KCNC1: variants seen among roughly 807,000 people sequenced by gnomAD.
KCNC1 encodes the protein potassium voltage-gated channel subfamily C member 1.
A neutral mutation model predicts 43.4 loss-of-function variants in KCNC1; 8 were observed. The observed-to-expected ratio is 0.18, with a 90% CI of 0.11 to 0.33. KCNC1 has a LOEUF of 0.33. Ranked by LOEUF, KCNC1 falls within the 10% of genes least tolerant of loss-of-function variation. The pLI, the probability that KCNC1 is intolerant of heterozygous loss-of-function variation, is 1.00. For missense variants in KCNC1, 420 were observed against 836.0 expected (o/e 0.50, Z 6.14); for synonymous variants, 361 against 360.5 (o/e 1.00, Z -0.01).
rs758930689 is a variant in KCNC1, at chr11:17,771,964, C to T, written c.870C>T (p.Tyr290=). Residue 290 remains tyrosine, a synonymous_variant, in exon 2 of 4, where the codon TAC becomes TAT. Transcript: ENST00000265969. This position sits in a 1 kb window ranked among gnomAD's most constrained non-coding sequence, Gnocchi z 4.7. The part of the protein sequence containing the change: ...IIDFVAILPF[Y]LEVGLSGLSS... ...ACTTTGTGGCCATCCTGCCCTTCTACCTGGAGGTGGGGCTGAGCGGCCTGT... is the reference window on the plus strand; with the variant it reads ...ACTTTGTGGCCATCCTGCCCTTCTATCTGGAGGTGGGGCTGAGCGGCCTGT... 6.2e-6 allele frequency: 10 copies of T among 1,614,134 alleles called. No homozygotes were observed. Among genetic ancestry groups the T allele is most frequent in the Admixed American group, 1.7e-5 (1 of 60,014 alleles).
rs1190435099 is a variant in KCNC1 at position 17,777,032 on chromosome 11, G to A, written c.1505-2424G>A. Reference sequence around the variant, plus strand: ...TCCCGGGAATCCCCCAGGAGGGAAAGGTGCCAGGCTATCATCCCTCCAGGG... The same window carrying A: ...TCCCGGGAATCCCCCAGGAGGGAAAAGTGCCAGGCTATCATCCCTCCAGGG... On this transcript the variant is annotated intron_variant, in intron 2 of 3. Transcript: ENST00000265969. The surrounding 1 kb of genome is among the most constrained non-coding windows in gnomAD (Gnocchi z 4.3). The A allele has an allele frequency of 5.1e-6, 5 of 985,234 alleles. No homozygotes were observed. Among genetic ancestry groups the A allele is most frequent in the African/African-American group, 1.7e-5 (1 of 57,194 alleles). 61.0% of individuals were successfully genotyped at this position (985,234 alleles called of 1,614,324 possible). A position where few individuals can be genotyped will look rare whatever the true frequency, so the allele number is the denominator to read the frequency against.
chr11:17,737,485 T>C (rs750778636), intron 1 of KCNC1, among the ~76,000 whole-genome samples: 2 of 152,162 alleles, frequency 1.3e-5, no homozygotes, highest in Non-Finnish European at 2.9e-5. Flanking sequence ...ACGCTGCTGC[T>C]GACCTTGGTC....
At chr11:17,738,628 C>T (rs1374029599) in intron 1 of KCNC1, among the ~76,000 whole-genome samples, 1 of 152,210 alleles carries the variant, frequency 6.6e-6, no homozygotes, top group Non-Finnish European at 1.5e-5. Flanking sequence ...CCCTCTCCTC[C>T]CACTGGACAT....
chr11:17,739,981 C>A lies in KCNC1; in HGVS notation c.570+3409C>A, dbSNP rs1848820158. ...TCTCTGGGACTCCGGAGTGGCCTAACTGAGGGCATTTCCTTTCCTCAGTAG... is the reference window on the plus strand; with the variant it reads ...TCTCTGGGACTCCGGAGTGGCCTAAATGAGGGCATTTCCTTTCCTCAGTAG... On this transcript the variant is annotated intron_variant, in intron 1 of 3. Transcript: ENST00000265969. The surrounding 1 kb of genome is among the most constrained non-coding windows in gnomAD (Gnocchi z 4.2). 6.6e-6 allele frequency among the ~76,000 whole-genome samples: 1 copy of A among 152,194 alleles called. No individual in the cohort carries two copies. Among genetic ancestry groups the A allele is most frequent in the Non-Finnish European group, 1.5e-5 (1 of 68,020 alleles).
chr11:17,747,838 C>A (rs557150231), intron 1 of KCNC1, among the ~76,000 whole-genome samples: 2 of 152,316 alleles, frequency 1.3e-5, no homozygotes, highest in South Asian at 4.1e-4. Context: ...GGCCTGGCAG[C>A]CTGGCTCTGG....
intron 1 of KCNC1, among the ~76,000 whole-genome samples, chr11:17,770,214 C>A (rs976296978): frequency 6.6e-6 from 1 of 152,234 alleles, no homozygotes; most frequent in Non-Finnish European, 1.5e-5. Flanking sequence ...ACACAGGGCG[C>A]GACCTTGGCC....
chr11:17,740,058 C>T (rs1370988783), intron 1 of KCNC1, among the ~76,000 whole-genome samples: 1 of 152,176 alleles, frequency 6.6e-6, no homozygotes, highest in Non-Finnish European at 1.5e-5. Context: ...GTGGTGAGGT[C>T]ACCTTTCCCT....
At position 17,779,609 on chromosome 11, in the gene KCNC1, A is replaced by C; in HGVS notation, c.1658A>C (p.Glu553Ala). The change falls in exon 3 of 4, where the codon GAG becomes GCG. Residue 553 changes from glutamate to alanine, a missense_variant. This residue lies in a region of KCNC1 where 147 missense variants were observed against 176.1 expected (regional missense o/e 0.83). Transcript: ENST00000265969. This position sits in a 1 kb window ranked among gnomAD's most constrained non-coding sequence, Gnocchi z 7.2. ...CCCTGCTTCCTCTTATCAACCGGGGAGTACGCGTGCCCACCTGGTGGAGGA... is the reference window on the plus strand; with the variant it reads ...CCCTGCTTCCTCTTATCAACCGGGGCGTACGCGTGCCCACCTGGTGGAGGA... ...YGPCFLLSTG[E>A]YACPPGGGMR... The C allele has an allele frequency of 6.4e-7, 1 of 1,550,590 alleles. No homozygotes were observed.
Position 17,773,860 on chromosome 11 carries a change from A to T in KCNC1, c.1504+1262A>T. On this transcript the variant is annotated intron_variant, in intron 2 of 3. Transcript: ENST00000265969. The surrounding 1 kb of genome is among the most constrained non-coding windows in gnomAD (Gnocchi z 4.1). ...GCAGGAGGTTGACGTGACAGGTGGCATTTAGTCTATGAAGGACCTCCCCAT... is the reference window on the plus strand; with the variant it reads ...GCAGGAGGTTGACGTGACAGGTGGCTTTTAGTCTATGAAGGACCTCCCCAT... 1.0e-6 allele frequency: 1 copy of T among 985,516 alleles called. No individual in the cohort carries two copies. Among genetic ancestry groups the T allele is most frequent in the Non-Finnish European group, 1.2e-6 (1 of 829,966 alleles). The allele number at this position is 985,516 out of a possible 1,614,324, so 61.0% of individuals were successfully genotyped here. A position where few individuals can be genotyped will look rare whatever the true frequency, so the allele number is the denominator to read the frequency against.
At chr11:17,760,061 C>A (rs577687486) in intron 1 of KCNC1, among the ~76,000 whole-genome samples, 1 of 152,324 alleles carries the variant, frequency 6.6e-6, no homozygotes, top group East Asian at 1.9e-4. Context: ...ATTTCTTATT[C>A]CAATCTGTGG....
chr11:17,756,515 C>G (rs1849023398), intron 1 of KCNC1, among the ~76,000 whole-genome samples: 2 of 110,000 alleles, frequency 1.8e-5, no homozygotes, highest in African/African-American at 6.7e-5. Flanking sequence ...ATTCCCTTCC[C>G]TCCAAACACA....
chr11:17,737,053 G>A (rs1475110860), intron 1 of KCNC1, among the ~76,000 whole-genome samples: 2 of 152,218 alleles, frequency 1.3e-5, no homozygotes, highest in African/African-American at 4.8e-5. Context: ...AGGCGCATCT[G>A]GAGCCAGCCA....
intron 1 of KCNC1, among the ~76,000 whole-genome samples, chr11:17,743,743 C>G (rs1249577013): frequency 6.6e-6 from 1 of 152,246 alleles, no homozygotes; most frequent in South Asian, 2.1e-4. Context: ...CCTCCCTGGT[C>G]CTCATTGGCA....
intron 1 of KCNC1, among the ~76,000 whole-genome samples, chr11:17,753,337 C>G (rs1351424838): frequency 6.6e-6 from 1 of 152,232 alleles, no homozygotes; most frequent in Non-Finnish European, 1.5e-5. Flanking sequence ...AGCTGCAGCC[C>G]CTGAGCCCCA....
At position 17,779,684 on chromosome 11, in the gene KCNC1, C is replaced by T. The variant is rs765488873; in HGVS notation, c.1693+40C>T. 23 of 1,408,336 alleles carry T rather than the reference C, an allele frequency of 1.6e-5. No homozygotes were observed. Among genetic ancestry groups the T allele is most frequent in the Non-Finnish European group, 2.1e-5 (22 of 1,072,830 alleles). The allele number at this position is 1,408,336 out of a possible 1,614,324, so 87.2% of individuals were successfully genotyped here. On this transcript the variant is annotated intron_variant, in intron 3 of 3. Coordinates refer to ENST00000265969, the MANE Select transcript of KCNC1 (RefSeq NM_001112741.2). The surrounding 1 kb of genome is among the most constrained non-coding windows in gnomAD (Gnocchi z 7.2). ...CTGGAGCACCGTGCATCGTCCGGGC[C>T]GCCTCGCGCTCCTGCAGATGGGTGG...
Position 17,736,196 on chromosome 11 carries a change from C to T in KCNC1, c.194C>T (p.Ala65Val). 1 of 1,613,802 alleles carries T rather than the reference C, an allele frequency of 6.2e-7. No individual in the cohort carries two copies. Among genetic ancestry groups the T allele is most frequent in the Non-Finnish European group, 8.5e-7 (1 of 1,179,860 alleles). Residue 65 changes from alanine (A) to valine (V), a missense_variant, in exon 1 of 4, where the codon GCG (alanine) becomes GTG (valine). By Grantham distance (64) the Ala-to-Val change is moderately conservative (BLOSUM62 0). Transcript: ENST00000265969. The surrounding 1 kb of genome is among the most constrained non-coding windows in gnomAD (Gnocchi z 9.3). ...TTCGACCGCCACCCCGGCGTCTTCG[C>T]GCACATCCTGAACTACTACCGCACG... ...FFFDRHPGVFAHILNYYRTGK... is the reference protein window; with the variant it reads ...FFFDRHPGVFVHILNYYRTGK...
chr11:17,754,301 A>G (rs1170194472), intron 1 of KCNC1, among the ~76,000 whole-genome samples: 1 of 152,256 alleles, frequency 6.6e-6, no homozygotes, highest in Non-Finnish European at 1.5e-5. Flanking sequence ...GATCATGTCT[A>G]TGGCTGGTTG....
rs1233376792 is a variant in KCNC1 at position 17,735,500 on chromosome 11, C to G, written c.-503C>G. The G allele has an allele frequency of 6.6e-6, 1 of 152,654 alleles. No individual in the cohort carries two copies. The highest frequency in any genetic ancestry group is 6.5e-5 in the Admixed American group (1 of 15,300). The allele number at this position is 152,654 out of a possible 1,614,324, so 9.5% of individuals were successfully genotyped here. Reference sequence around the variant, plus strand: ...CCCGGCCCTGTCTCCTCCCCTCCCCCTCCTGGGGGCTGGCCTCTAGTCCGG... The same window carrying G: ...CCCGGCCCTGTCTCCTCCCCTCCCCGTCCTGGGGGCTGGCCTCTAGTCCGG... On this transcript the variant is annotated 5_prime_UTR_variant, in exon 1 of 4. Coordinates refer to ENST00000265969, the MANE Select transcript of KCNC1 (RefSeq NM_001112741.2). This position sits in a 1 kb window ranked among gnomAD's most constrained non-coding sequence, Gnocchi z 6.7.
At chr11:17,775,419 G>A in intron 2 of KCNC1, 3 of 985,566 alleles carry the variant, frequency 3.0e-6, no homozygotes, top group Non-Finnish European at 3.6e-6. Flanking sequence ...TGCTGTGGCT[G>A]GCATGGCCTC....
Sources: gnomAD v4.1 joint callset for allele counts (sites outside exome capture counted in the v4.1 genomes callset) on GRCh38, gnomAD v4.1.1 for gene constraint, gnomAD v4.1.1 regional missense constraint, Gnocchi (gnomAD v3.1) non-coding constraint, MANE v1.5 for transcripts, NCBI Gene and HGNC (gene_info 2026-07-23, HGNC 2026-07-21) for gene names.